The following HRH2 variants were observed in gnomAD, a reference collection of about 807,000 sequenced individuals.
HRH2 encodes the protein histamine H2 receptor.
A neutral mutation model predicts 20.1 loss-of-function variants in HRH2; 4 were observed. The observed-to-expected ratio is 0.20, with a 90% CI of 0.10 to 0.45. HRH2 has a LOEUF of 0.45. HRH2 is among the 20% of genes least tolerant of loss of function. The pLI is 0.99. For missense variants in HRH2, 250 were observed against 461.6 expected (o/e 0.54, Z 4.20); for synonymous variants, 197 against 200.7 (o/e 0.98, Z 0.16).
At chr5:175,675,956 C>T (rs72821287) in intron 1 of HRH2, among the ~76,000 whole-genome samples, 3,510 of 152,356 alleles carry the variant, frequency 0.023, 57 homozygotes, top group Middle Eastern at 0.058. Context: ...CTGCCGCCCT[C>T]CTGAGCCACT....
chr5:175,694,819 T>G (rs1352185603), intron 2 of HRH2, among the ~76,000 whole-genome samples: 1 of 152,170 alleles, frequency 6.6e-6, no homozygotes, highest in Non-Finnish European at 1.5e-5. Flanking sequence ...ATCTGGGTTT[T>G]CACCCAACAG....
intron 1 of HRH2, among the ~76,000 whole-genome samples, chr5:175,658,677 AC>A (rs1762641593): frequency 6.6e-6 from 1 of 151,702 alleles, no homozygotes. Context: ...AACCAGAACG[AC>A]CTGCCTTCAT....
intron 2 of HRH2, among the ~76,000 whole-genome samples, chr5:175,701,109 A>G (rs1017104048): frequency 6.6e-6 from 1 of 152,162 alleles, no homozygotes; most frequent in Non-Finnish European, 1.5e-5. Flanking sequence ...TCCTCACATT[A>G]GCCCTGTGAG....
intron 1 of HRH2, among the ~76,000 whole-genome samples, chr5:175,663,299 G>A (rs748727916): frequency 1.1e-4 from 16 of 152,182 alleles, no homozygotes; most frequent in Non-Finnish European, 2.1e-4. Context: ...AGCAGTGCAC[G>A]GAGGTCCCAG....
intron 2 of HRH2, chr5:175,685,912 T>C (rs1756156242): frequency 5.6e-6 from 1 of 177,154 alleles, no homozygotes; most frequent in South Asian, 1.2e-4. Context: ...GAACCCTACA[T>C]ATTCCCTCTG....
chr5:175,662,766 G>A (rs1762775733), intron 1 of HRH2, among the ~76,000 whole-genome samples: 1 of 152,152 alleles, frequency 6.6e-6, no homozygotes, highest in African/African-American at 2.4e-5. Context: ...ACCACTATGT[G>A]ATTTCAGACC....
chr5:175,691,878 A>AAAAG, intron 2 of HRH2, among the ~76,000 whole-genome samples: 1 of 151,898 alleles, frequency 6.6e-6, no homozygotes, highest in Non-Finnish European at 1.5e-5. Context: ...AAAAAAAGAA[A>AAAAG]AAAGAGAAAA....
At chr5:175,663,422 C>T (rs962077385) in intron 1 of HRH2, among the ~76,000 whole-genome samples, 8 of 152,180 alleles carry the variant, frequency 5.3e-5, no homozygotes, top group African/African-American at 1.9e-4. Context: ...TTTGAGCATC[C>T]TTCAGTGTGC....
chr5:175,696,178 T>G (rs1756570384), intron 2 of HRH2, among the ~76,000 whole-genome samples: 1 of 152,246 alleles, frequency 6.6e-6, no homozygotes, highest in African/African-American at 2.4e-5. Context: ...GCCTGGGAGT[T>G]TCCTTCAGTT....
rs547925358 is a variant in HRH2, at chr5:175,703,350, A to T, written c.1077-4429A>T. Among the ~76,000 whole-genome samples the T allele has an allele frequency of 5.3e-5, 8 of 152,324 alleles. No homozygotes were observed. In the South Asian group the frequency reaches 1.7e-3, roughly 32 times the overall value. On this transcript the variant is annotated intron_variant, in intron 2 of 2. Transcript: ENST00000636584. Reference sequence around the variant, plus strand: ...TGGGATGAAGAAAAAGTAATTATGGATATTAGAAAACATTTTAAAGTAAAC... The same window carrying T: ...TGGGATGAAGAAAAAGTAATTATGGTTATTAGAAAACATTTTAAAGTAAAC...
At chr5:175,674,016 C>A (rs1360683451) in intron 1 of HRH2, among the ~76,000 whole-genome samples, 3 of 152,136 alleles carry the variant, frequency 2.0e-5, no homozygotes, top group Non-Finnish European at 4.4e-5. Context: ...CCTCAATTTT[C>A]TTTTTCAATG....
chr5:175,666,800 T>C (rs1302197184), intron 1 of HRH2, among the ~76,000 whole-genome samples: 1 of 152,132 alleles, frequency 6.6e-6, no homozygotes, highest in Non-Finnish European at 1.5e-5. Context: ...CATACTGCCT[T>C]CTTCTAAAGA....
rs920039913 is a variant in HRH2, at chr5:175,687,600, G to A, written c.1076+3291G>A. Reference sequence around the variant, plus strand: ...CAGGGCAGCTCACCCCACAGTCAGGGGCCCCGGCTGGTCCCACCATTCGAG... The same window carrying A: ...CAGGGCAGCTCACCCCACAGTCAGGAGCCCCGGCTGGTCCCACCATTCGAG... On this transcript the variant is annotated intron_variant, in intron 2 of 2. Coordinates refer to ENST00000636584, the MANE Select transcript of HRH2 (RefSeq NM_001367711.1). The surrounding 1 kb of genome is among the most constrained non-coding windows in gnomAD (Gnocchi z 5.2). Among the ~76,000 whole-genome samples the A allele has an allele frequency of 6.6e-6, 1 of 152,026 alleles. No homozygotes were observed. Among genetic ancestry groups the A allele is most frequent in the Non-Finnish European group, 1.5e-5 (1 of 67,982 alleles).
At chr5:175,673,718 T>G (rs114164220) in intron 1 of HRH2, among the ~76,000 whole-genome samples, 4,686 of 151,108 alleles carry the variant, frequency 0.031, 234 homozygotes, top group African/African-American at 0.11. Context: ...TGTTTTTTTT[T>G]TTTTTGACGG....
At chr5:175,661,835 T>TA (rs1432675567) in intron 1 of HRH2, among the ~76,000 whole-genome samples, 1 of 151,924 alleles carries the variant, frequency 6.6e-6, no homozygotes, top group Non-Finnish European at 1.5e-5. Flanking sequence ...GCCTGGCTAA[T>TA]ATGGTGAAAC....
chr5:175,684,941 T>G (rs908603321), intron 2 of HRH2, among the ~76,000 whole-genome samples: 5 of 152,084 alleles, frequency 3.3e-5, no homozygotes, highest in Admixed American at 1.3e-4. Flanking sequence ...AAAGGGTAAC[T>G]TAAGCAGATC....
chr5:175,704,240 AG>A (rs1756872865), intron 2 of HRH2, among the ~76,000 whole-genome samples: 1 of 152,148 alleles, frequency 6.6e-6, no homozygotes, highest in Non-Finnish European at 1.5e-5. Context: ...TCAGAGCATT[AG>A]AAAACATAAT....
At chr5:175,698,828 G>C (rs1419339628) in intron 2 of HRH2, among the ~76,000 whole-genome samples, 2 of 152,188 alleles carry the variant, frequency 1.3e-5, no homozygotes, top group Admixed American at 6.5e-5. Context: ...AGTCCCACGG[G>C]GTTCATTTCA....
Position 175,683,941 on chromosome 5 carries a change from G to A in HRH2, c.708G>A (p.Leu236=), listed in dbSNP as rs1403063520. ...GGGAGCACAAAGCCACAGTGACACT[G>A]GCCGCCGTCATGGGGGCCTTCATCA... ...TIREHKATVT[L]AAVMGAFIIC... The change falls in exon 2 of 3, where the codon CTG becomes CTA. Residue 236 remains leucine (L), a synonymous_variant. Coordinates refer to ENST00000636584, the MANE Select transcript of HRH2 (RefSeq NM_001367711.1). 6.2e-7 allele frequency: 1 copy of A among 1,614,062 alleles called. No individual in the cohort carries two copies. The highest frequency in any genetic ancestry group is 8.5e-7 in the Non-Finnish European group (1 of 1,180,050).
Sources: gnomAD v4.1 joint callset for allele counts (sites outside exome capture counted in the v4.1 genomes callset) on GRCh38, gnomAD v4.1.1 for gene constraint, Gnocchi (gnomAD v3.1) non-coding constraint, MANE v1.5 for transcripts, NCBI Gene and HGNC (gene_info 2026-07-23, HGNC 2026-07-21) for gene names.